TRPM7: variants seen among roughly 807,000 people sequenced by gnomAD.
The protein encoded by TRPM7 is transient receptor potential cation channel subfamily M member 7.
A neutral mutation model predicts 229.7 loss-of-function variants in TRPM7; 134 were observed. The observed-to-expected ratio is 0.58, with a 90% CI of 0.51 to 0.67. The LOEUF is 0.67. Ranked by LOEUF, TRPM7 falls within the 30% of genes least tolerant of loss-of-function variation. The probability of loss-of-function intolerance (pLI) is 0.00; values close to 1 mark genes in which losing one functional copy is unlikely to be tolerated. For missense variants in TRPM7, 1,901 were observed against 2,210.0 expected (o/e 0.86, Z 2.80); for synonymous variants, 699 against 715.2 (o/e 0.98, Z 0.36).
At chr15:50,670,810 G>GAA (rs59965204) in intron 1 of TRPM7, among the ~76,000 whole-genome samples, 23,535 of 113,226 alleles carry the variant, frequency 0.21, 2,141 homozygotes, top group Admixed American at 0.33. Flanking sequence ...AAAAGAAAAA[G>GAA]AAAAAAAAAA....
chr15:50,586,212 A>G (rs1020909366), intron 28 of TRPM7, among the ~76,000 whole-genome samples, 180 bp downstream of exon 28: 3 of 152,226 alleles, frequency 2.0e-5, no homozygotes, highest in African/African-American at 7.2e-5. Flanking sequence ...ATTCTAATAA[A>G]ACATTCTAAT....
chr15:50,657,703 G>C, intron 3 of TRPM7, 78 bp downstream of exon 3: 1 of 1,285,790 alleles, frequency 7.8e-7, no homozygotes, highest in East Asian at 2.4e-5. Context: ...TCATGCCACT[G>C]TGTTCTAACT....
intron 20 of TRPM7, 143 bp downstream of exon 20, chr15:50,607,057 A>T (rs2059935068): frequency 5.0e-6 from 3 of 599,072 alleles, no homozygotes; most frequent in Non-Finnish European, 8.2e-6. Flanking sequence ...TATTTTGGGA[A>T]CAGCAAAATT....
At chr15:50,663,421 C>T (rs1303333891) in intron 1 of TRPM7, among the ~76,000 whole-genome samples, 2 of 152,168 alleles carry the variant, frequency 1.3e-5, no homozygotes, top group East Asian at 1.9e-4. Flanking sequence ...CCACCGTGCC[C>T]GGCCCATAAA....
At position 50,648,559 on chromosome 15, in the gene TRPM7, C is replaced by T. The variant is rs554600870; in HGVS notation, c.321+128G>A. 17 of 648,750 alleles carry T rather than the reference C, an allele frequency of 2.6e-5. No individual in the cohort carries two copies. In the South Asian group the frequency reaches 4.9e-4, roughly 19 times the overall value. 40.2% of individuals were successfully genotyped at this position (648,750 alleles called of 1,614,324 possible). ...AAAGATACAATTCTATATTTGTATG[C>T]ACCTTTGTACTTTAAAATATACAAA... On this transcript the variant is annotated intron_variant, in intron 4 of 38. Transcript: ENST00000646667.
chr15:50,637,129 G>GA (rs34279292), intron 7 of TRPM7, among the ~76,000 whole-genome samples: 69,268 of 133,008 alleles, frequency 0.52, 16,926 homozygotes, highest in East Asian at 0.6. Flanking sequence ...CCGCCTCAAA[G>GA]AAAAAAAAAA....
rs1298738078 is a variant in TRPM7, at chr15:50,678,629, T to C, written c.3+7902A>G. ...GGCTGCCAACTACTCAACTAATTAA[T>C]AATTAGATATTACTGACATTTTAGA... On this transcript the variant is annotated intron_variant, in intron 1 of 38. Coordinates refer to ENST00000646667, the MANE Select transcript of TRPM7 (RefSeq NM_017672.6). 2.0e-5 allele frequency among the ~76,000 whole-genome samples: 3 copies of C among 147,392 alleles called. No homozygotes were observed. In the East Asian group the frequency reaches 5.8e-4, roughly 28 times the overall value.
At chr15:50,650,915 G>A (rs1185818930) in intron 3 of TRPM7, among the ~76,000 whole-genome samples, 4 of 152,210 alleles carry the variant, frequency 2.6e-5, no homozygotes, top group Non-Finnish European at 5.9e-5. Flanking sequence ...TTGGCCGGGC[G>A]TGGTAGCTCA....
In TRPM7 at chr15:50,589,604, T is replaced by C. The variant is rs1343142372; in HGVS notation, c.4377A>G (p.Ile1459Met). The C allele has an allele frequency of 1.9e-6, 3 of 1,579,662 alleles. No individual in the cohort carries two copies. The highest frequency in any genetic ancestry group is 2.6e-6 in the Non-Finnish European group (3 of 1,152,418). Residue 1459 changes from isoleucine (I) to methionine (M), a missense_variant, in exon 27 of 39, where the codon ATA becomes ATG. By Grantham distance (10) the Ile-to-Met change is conservative. This residue lies in a region of TRPM7 where 533 missense variants were observed against 497.1 expected (regional missense o/e 1.07). Transcript: ENST00000646667. Reference sequence around the variant, plus strand: ...AGGATTTACTTACGGATAGTATTTTTATCTTGTTTGATGTTTCTTTAAACC... The same window carrying C: ...AGGATTTACTTACGGATAGTATTTTCATCTTGTTTGATGTTTCTTTAAACC... The part of the protein sequence containing the change: ...LQRFKETSNK[I>M]KILSNNNTSE...
chr15:50,646,132 T>C (rs1441777183), intron 4 of TRPM7, among the ~76,000 whole-genome samples: 1 of 150,084 alleles, frequency 6.7e-6, no homozygotes. Flanking sequence ...AAAAAGACAT[T>C]AGCAGGGTAC....
intron 26 of TRPM7, among the ~76,000 whole-genome samples, chr15:50,590,254 A>C (rs2059453344): frequency 6.6e-6 from 1 of 152,200 alleles, no homozygotes; most frequent in South Asian, 2.1e-4. Context: ...TAAAAGAAAA[A>C]AGGGGACCAA....
At position 50,591,871 on chromosome 15, in the gene TRPM7, AAAT is replaced by A. The variant is rs558922505; in HGVS notation, c.4324+37_4324+39del. ...TTCTATTATTTCTAAGGTGAAAAGT[AAAT>A]AATATTGATATACAAATACGAATTT... On this transcript the variant is annotated intron_variant, in intron 26 of 38. Coordinates refer to ENST00000646667, the MANE Select transcript of TRPM7 (RefSeq NM_017672.6). 1,118 of 1,353,264 alleles carry A rather than the reference AAAT, an allele frequency of 8.3e-4. 1 individual carries two copies. Among genetic ancestry groups the A allele is most frequent in the Admixed American group, 2.7e-3 (116 of 43,356 alleles). The allele number at this position is 1,353,264 out of a possible 1,614,324, so 83.8% of individuals were successfully genotyped here.
At chr15:50,612,944 T>C (rs2060102945) in intron 15 of TRPM7, 115 bp from the exon 16 acceptor site, 2 of 816,276 alleles carry the variant, frequency 2.5e-6, no homozygotes, top group African/African-American at 1.7e-5. Flanking sequence ...AACTGCACAA[T>C]AGCATAAATT....
Position 50,611,179 on chromosome 15 carries a change from G to C in TRPM7, c.2194C>G (p.Pro732Ala). 6.2e-7 allele frequency: 1 copy of C among 1,613,870 alleles called. No homozygotes were observed. Among genetic ancestry groups the C allele is most frequent in the Non-Finnish European group, 8.5e-7 (1 of 1,179,922 alleles). The stretch of plus-strand genomic sequence containing the variant: ...TGTGTACAGGTGTGAGCTACAAAAG[G>C]TCTAAGTCTTGAAGAAACTGCTAAC... The part of the protein sequence containing the change: ...LKLAVSSRLR[P>A]FVAHTCTQML... The change falls in exon 17 of 39, where the codon CCT (proline) becomes GCT (alanine). Residue 732 changes from proline to alanine, a missense_variant. Pro to Ala is a conservative substitution (Grantham distance 27). Around this residue, in one of 8 missense-constraint regions of TRPM7, gnomAD observed 794 missense variants for 881.9 expected, o/e 0.90. Transcript: ENST00000646667.
At chr15:50,675,201 G>C (rs372084263) in intron 1 of TRPM7, among the ~76,000 whole-genome samples, 4 of 152,060 alleles carry the variant, frequency 2.6e-5, no homozygotes, top group South Asian at 4.1e-4. Context: ...AAATTAGCTG[G>C]GCATGGTGGC....
rs144297031 is a variant in TRPM7, at chr15:50,640,980, C to G, written c.536-1432G>C. ...AATAAATTTCTGTTTTTAAGCCACCCAGTCTGTGATATTTGGTTACAGCAG... is the reference window on the plus strand; with the variant it reads ...AATAAATTTCTGTTTTTAAGCCACCGAGTCTGTGATATTTGGTTACAGCAG... On this transcript the variant is annotated intron_variant, in intron 5 of 38. Coordinates refer to ENST00000646667, the MANE Select transcript of TRPM7 (RefSeq NM_017672.6). Among the ~76,000 whole-genome samples, 10 of 152,246 alleles carry G rather than the reference C, an allele frequency of 6.6e-5. No homozygotes were observed. The East Asian group carries it at 1.9e-3, about 29-fold the overall frequency.
At chr15:50,657,181 G>A (rs573538922) in intron 3 of TRPM7, among the ~76,000 whole-genome samples, 35 of 152,128 alleles carry the variant, frequency 2.3e-4, no homozygotes, top group African/African-American at 8.2e-4. Flanking sequence ...AAAATTAGCC[G>A]GGCATGGTGG....
Position 50,634,367 on chromosome 15 carries a change from T to C in TRPM7, c.1007+15A>G. The C allele has an allele frequency of 1.4e-6, 2 of 1,476,462 alleles. No individual in the cohort carries two copies. The highest frequency in any genetic ancestry group is 2.6e-5 in the East Asian group (1 of 37,816). 91.5% of individuals were successfully genotyped at this position (1,476,462 alleles called of 1,614,324 possible). On this transcript the variant is annotated intron_variant, in intron 8 of 38. Coordinates refer to ENST00000646667, the MANE Select transcript of TRPM7 (RefSeq NM_017672.6). Reference sequence around the variant, plus strand: ...TAAATAAATAAAATTAATTAAAATGTTGTCATACACTTACCCTCCTTCTTC... The same window carrying C: ...TAAATAAATAAAATTAATTAAAATGCTGTCATACACTTACCCTCCTTCTTC...
intron 13 of TRPM7, among the ~76,000 whole-genome samples, chr15:50,616,177 A>G (rs2060217210): frequency 6.6e-6 from 1 of 152,208 alleles, no homozygotes; most frequent in Non-Finnish European, 1.5e-5. Flanking sequence ...TTATCTAACA[A>G]ATGTCATGAC....
Sources: allele counts gnomAD v4.1 joint callset (sites outside exome capture counted in the v4.1 genomes callset), GRCh38; gene constraint gnomAD v4.1.1; regional missense constraint gnomAD v4.1.1; transcripts MANE v1.5; gene names NCBI Gene and HGNC (gene_info 2026-07-23, HGNC 2026-07-21).